THRB: variants seen among roughly 807,000 people sequenced by gnomAD.
The protein encoded by THRB is nuclear receptor subfamily 1 group A member 2.
In THRB, 12 loss-of-function variants were observed where a neutral mutation model predicts 47.8. The ratio of observed to expected loss-of-function variants is 0.25; its 90% CI spans 0.16 to 0.41. The LOEUF (loss-of-function observed/expected upper bound fraction) is 0.41. THRB is among the 10% of genes least tolerant of loss of function. The probability of loss-of-function intolerance (pLI) is 1.00; values close to 1 mark genes in which losing one functional copy is unlikely to be tolerated. For synonymous variants in THRB, 218 were observed against 212.2 expected, an observed-to-expected ratio of 1.03 and a Z score of -0.24; for missense variants, 348 against 589.2, an observed-to-expected ratio of 0.59 and a Z score of 4.24.
rs1192028118 is a variant in THRB at position 24,249,228 on chromosome 3, T to C, written c.-42-20227A>G. Among the ~76,000 whole-genome samples, 3 of 152,154 alleles carry C rather than the reference T, an allele frequency of 2.0e-5. No individual in the cohort carries two copies. In the East Asian group the frequency reaches 5.8e-4, roughly 29 times the overall value. On this transcript the variant is annotated intron_variant, in intron 3 of 10. Transcript: ENST00000646209. ...AACTTTTAAAAATTCTTATTTTTTT[T>C]TGCATAAAAATGATTCCTGATCACC...
At chr3:24,377,780 C>T (rs1671470565) in intron 1 of THRB, among the ~76,000 whole-genome samples, 1 of 152,094 alleles carries the variant, frequency 6.6e-6, no homozygotes, top group South Asian at 2.1e-4. Context: ...TACCTTCCCT[C>T]CTCCTCCCTG....
intron 4 of THRB, among the ~76,000 whole-genome samples, chr3:24,227,539 A>T (rs2047786817): frequency 1.3e-5 from 2 of 152,074 alleles, no homozygotes; most frequent in South Asian, 4.1e-4. Context: ...AATCATTGTG[A>T]TTTGCCCAGG....
chr3:24,189,463 G>A (rs377675508), intron 5 of THRB, among the ~76,000 whole-genome samples: 1 of 152,162 alleles, frequency 6.6e-6, no homozygotes, highest in Non-Finnish European at 1.5e-5. Flanking sequence ...GGGTGGAGGC[G>A]ACCTGAGGTA....
chr3:24,341,596 C>T (rs569667494), intron 1 of THRB, among the ~76,000 whole-genome samples: 12 of 152,144 alleles, frequency 7.9e-5, no homozygotes, highest in Non-Finnish European at 1.8e-4. Context: ...CTTTACCCCT[C>T]CCTGCATCTA....
At chr3:24,221,271 TC>T (rs2047133303) in intron 4 of THRB, among the ~76,000 whole-genome samples, 1 of 152,214 alleles carries the variant, frequency 6.6e-6, no homozygotes, top group Admixed American at 6.5e-5. Context: ...AAAATTGTTT[TC>T]TTTTGAAGGG....
At chr3:24,467,306 G>C (rs778553129) in intron 1 of THRB, among the ~76,000 whole-genome samples, 5 of 152,110 alleles carry the variant, frequency 3.3e-5, no homozygotes, top group African/African-American at 1.2e-4. Context: ...TAAAGTTCTC[G>C]AAGTCATTTG....
intron 4 of THRB, among the ~76,000 whole-genome samples, chr3:24,221,951 C>T (rs1305896964): frequency 1.3e-5 from 2 of 152,204 alleles, no homozygotes; most frequent in Non-Finnish European, 2.9e-5. Context: ...ACAGTCAGAG[C>T]ACAAGAGGAC....
rs949203572 is a variant in THRB, at chr3:24,174,020, T to A, written c.283+16054A>T. Reference sequence around the variant, plus strand: ...ACAGCAGCTATGACTGGCCACATTTTAAAAAAAATTTTTATTTTACTTCAA... The same window carrying A: ...ACAGCAGCTATGACTGGCCACATTTAAAAAAAAATTTTTATTTTACTTCAA... On this transcript the variant is annotated intron_variant, in intron 5 of 10. Coordinates refer to ENST00000646209, the MANE Select transcript of THRB (RefSeq NM_001354712.2). Among the ~76,000 whole-genome samples, 23 of 152,200 alleles carry A rather than the reference T, an allele frequency of 1.5e-4. No homozygotes were observed. The East Asian group carries it at 1.5e-3, about 10-fold the overall frequency.
intron 5 of THRB, 92 bp downstream of exon 5, chr3:24,189,982 G>T: frequency 7.8e-7 from 1 of 1,276,102 alleles, no homozygotes; most frequent in Non-Finnish European, 1.1e-6. Context: ...CCATACATTG[G>T]AAGAGAAATG....
chr3:24,271,979 G>A (rs2053381155), intron 3 of THRB, among the ~76,000 whole-genome samples: 1 of 152,138 alleles, frequency 6.6e-6, no homozygotes, highest in Non-Finnish European at 1.5e-5. Context: ...ATTATGTTTA[G>A]AAGATAGTGG....
intron 1 of THRB, among the ~76,000 whole-genome samples, chr3:24,343,953 T>A (rs889826272): frequency 6.9e-6 from 1 of 145,972 alleles, no homozygotes; most frequent in Admixed American, 6.9e-5. Flanking sequence ...TATATATTAT[T>A]TATATATATA....
rs549676994 is a variant in THRB, at chr3:24,263,487, T to A, written c.-43+33739A>T. On this transcript the variant is annotated intron_variant, in intron 3 of 10. Coordinates refer to ENST00000646209, the MANE Select transcript of THRB (RefSeq NM_001354712.2). Reference sequence around the variant, plus strand: ...ATTATGATGTCACCAATATGCATAATATATCTTATATGTCCAGTTTCCTAG... The same window carrying A: ...ATTATGATGTCACCAATATGCATAAAATATCTTATATGTCCAGTTTCCTAG... Among the ~76,000 whole-genome samples, 3 of 152,230 alleles carry A rather than the reference T, an allele frequency of 2.0e-5. No homozygotes were observed. In the East Asian group the frequency reaches 5.8e-4, roughly 29 times the overall value.
In THRB at chr3:24,120,180, G is replaced by A. The variant is rs967594674; in HGVS notation, c.*2704C>T. On this transcript the variant is annotated 3_prime_UTR_variant, in exon 11 of 11. Transcript: ENST00000646209. ...CAGAAGGAAGGAGTTTAGTTTCAGA[G>A]TCATTATCTTTTGAGTCCTATGGCC... 1.3e-5 allele frequency: 2 copies of A among 152,140 alleles called. No individual in the cohort carries two copies. The highest frequency in any genetic ancestry group is 2.9e-5 in the Non-Finnish European group (2 of 68,052). The allele number at this position is 152,140 out of a possible 1,614,324, so 9.4% of individuals were successfully genotyped here. A position where few individuals can be genotyped will look rare whatever the true frequency, so the allele number is the denominator to read the frequency against.
intron 2 of THRB, among the ~76,000 whole-genome samples, chr3:24,308,420 T>C (rs534979734): frequency 2.7e-4 from 41 of 152,326 alleles, no homozygotes; most frequent in Middle Eastern, 3.4e-3. Flanking sequence ...TTTGAGGTCC[T>C]ACTATGTAAA....
chr3:24,365,625 A>G (rs1396746970), intron 1 of THRB, among the ~76,000 whole-genome samples: 1 of 152,218 alleles, frequency 6.6e-6, no homozygotes, highest in African/African-American at 2.4e-5. Flanking sequence ...GTCAATTGCC[A>G]TATGGATAAT....
chr3:24,404,465 C>G (rs879759132), intron 1 of THRB, among the ~76,000 whole-genome samples: 1 of 151,864 alleles, frequency 6.6e-6, no homozygotes, highest in Non-Finnish European at 1.5e-5. Context: ...ATTTTCTTCA[C>G]ATACTTCAAC....
chr3:24,421,668 T>C (rs1252843251), intron 1 of THRB, among the ~76,000 whole-genome samples: 2 of 151,906 alleles, frequency 1.3e-5, no homozygotes. Context: ...ATGGACAGAA[T>C]CTCCATCATT....
intron 3 of THRB, among the ~76,000 whole-genome samples, chr3:24,239,107 A>G (rs1341044557): frequency 6.6e-6 from 1 of 152,040 alleles, no homozygotes; most frequent in African/African-American, 2.4e-5. Flanking sequence ...ATGCCTGGCT[A>G]AGTTTTGTAT....
chr3:24,356,472 A>G (rs1180613285), intron 1 of THRB, among the ~76,000 whole-genome samples: 1 of 152,126 alleles, frequency 6.6e-6, no homozygotes, highest in East Asian at 1.9e-4. Flanking sequence ...AGTCAAGTCT[A>G]AGAAATCCAA....
Sources: gnomAD v4.1 joint callset for allele counts (sites outside exome capture counted in the v4.1 genomes callset) on GRCh38, gnomAD v4.1.1 for gene constraint, MANE v1.5 for transcripts, NCBI Gene and HGNC (gene_info 2026-07-23, HGNC 2026-07-21) for gene names.